Variants in TLN2 observed in about 807,000 individuals in gnomAD.
TLN2 encodes talin-2.
Under a neutral mutation model 294.7 loss-of-function variants are expected in TLN2, and 118 were observed. The ratio of observed to expected loss-of-function variants is 0.40; its 90% confidence interval spans 0.34 to 0.47. The LOEUF (loss-of-function observed/expected upper bound fraction) is 0.47. TLN2 is among the 20% of genes least tolerant of loss of function. TLN2 has a pLI of 0.84. For missense variants in TLN2, 3,083 were observed against 3,282.2 expected (o/e 0.94, Z 1.48); for synonymous variants, 1,431 against 1,304.5 (o/e 1.10, Z -2.09).
intron 1 of TLN2, among the ~76,000 whole-genome samples, chr15:62,588,143 G>A (rs1174196366): frequency 6.6e-6 from 1 of 152,060 alleles, no homozygotes; most frequent in African/African-American, 2.4e-5. Context: ...GCCTCCCAAA[G>A]TGCTGGGATT....
chr15:62,431,092 G>T (rs2034987181), intron 1 of TLN2, among the ~76,000 whole-genome samples: 1 of 152,106 alleles, frequency 6.6e-6, no homozygotes, highest in African/African-American at 2.4e-5. Context: ...CAGGCCCACT[G>T]AGTGAGGCTT....
chr15:62,489,589 C>G (rs978145535), intron 1 of TLN2, among the ~76,000 whole-genome samples: 2 of 152,148 alleles, frequency 1.3e-5, no homozygotes, highest in African/African-American at 2.4e-5. Flanking sequence ...GTAAAGTCTA[C>G]AAATCTTCAG....
chr15:62,701,869 T>C (rs1212322385), intron 17 of TLN2, 123 bp from the exon 18 acceptor site: 1 of 1,123,800 alleles, frequency 8.9e-7, no homozygotes, highest in Admixed American at 2.1e-5. Context: ...TGTGCTCATG[T>C]GAAGCTTGGT....
intron 45 of TLN2, among the ~76,000 whole-genome samples, chr15:62,788,960 G>T (rs2141106548): frequency 6.6e-6 from 1 of 152,300 alleles, no homozygotes; most frequent in East Asian, 1.9e-4. Context: ...CAGAATGTCA[G>T]GTTCCCAAGG....
At chr15:62,490,098 AT>A (rs2038627349) in intron 1 of TLN2, among the ~76,000 whole-genome samples, 2 of 152,198 alleles carry the variant, frequency 1.3e-5, no homozygotes, top group Admixed American at 1.3e-4. Context: ...TTCAGCAGTG[AT>A]TTTAGCATAT....
Position 62,652,125 on chromosome 15 carries a change from A to G in TLN2, c.355A>G (p.Ser119Gly). The change falls in exon 6 of 59, where the codon AGC becomes GGC. Residue 119 changes from serine to glycine, a missense_variant. Coordinates refer to ENST00000636159, the MANE Select transcript of TLN2 (RefSeq NM_015059.3). ...GGGGGAGCTCCTGGTCACTATTTGT[A>G]GCAGAATAGGTGAGCATTCATACAC... ...TVGELLVTIC[S>G]RIGITNYEEY... The G allele has an allele frequency of 6.3e-7, 1 of 1,598,128 alleles. No individual in the cohort carries two copies. The highest frequency in any genetic ancestry group is 1.1e-5 in the South Asian group (1 of 87,726).
chr15:62,456,407 C>T (rs571366799), intron 1 of TLN2, among the ~76,000 whole-genome samples: 28 of 152,304 alleles, frequency 1.8e-4, no homozygotes, highest in Non-Finnish European at 3.4e-4. Flanking sequence ...TCCTCCCCAC[C>T]GTTTAAAATG....
At chr15:62,811,260 T>C (rs1190456574) in intron 52 of TLN2, among the ~76,000 whole-genome samples, 1 of 152,216 alleles carries the variant, frequency 6.6e-6, no homozygotes, top group African/African-American at 2.4e-5. Context: ...GTCACTAACA[T>C]TGAGCTCCCA....
intron 1 of TLN2, among the ~76,000 whole-genome samples, chr15:62,588,239 T>G (rs1462364987): frequency 6.6e-6 from 1 of 152,222 alleles, no homozygotes; most frequent in African/African-American, 2.4e-5. Context: ...TTCTTGCTGT[T>G]ATATTTTTTA....
Position 62,809,988 on chromosome 15 carries a change from G to C in TLN2, c.6727G>C (p.Glu2243Gln), listed in dbSNP as rs1358363636. The change falls in exon 52 of 59, where the codon GAG becomes CAG. Residue 2243 changes from glutamate to glutamine, a missense_variant. Coordinates refer to ENST00000636159, the MANE Select transcript of TLN2 (RefSeq NM_015059.3). Reference sequence around the variant, plus strand: ...AACCAGAGCCTTGCGTTTCGGGACGGAGTGCACCCTTGGCTACTTGGACCT... The same window carrying C: ...AACCAGAGCCTTGCGTTTCGGGACGCAGTGCACCCTTGGCTACTTGGACCT... ...VRTRALRFGTECTLGYLDLLE... is the reference protein window; with the variant it reads ...VRTRALRFGTQCTLGYLDLLE... 3 of 1,613,956 alleles carry C rather than the reference G, an allele frequency of 1.9e-6. No individual in the cohort carries two copies. The highest frequency in any genetic ancestry group is 2.7e-5 in the African/African-American group (2 of 74,886).
chr15:62,599,114 ACTT>A (rs2046789350), intron 2 of TLN2, among the ~76,000 whole-genome samples: 1 of 152,202 alleles, frequency 6.6e-6, no homozygotes, highest in African/African-American at 2.4e-5. Context: ...GTGCAAATAT[ACTT>A]CTTTTCCAAA....
chr15:62,508,398 G>T (rs993061152), intron 1 of TLN2, among the ~76,000 whole-genome samples: 5 of 152,032 alleles, frequency 3.3e-5, no homozygotes, highest in African/African-American at 1.2e-4. Flanking sequence ...TGTATTTTTA[G>T]TAGAGACGGG....
intron 1 of TLN2, among the ~76,000 whole-genome samples, chr15:62,451,236 AGCCCCATGTGTCTGCAGACT>A (rs2036126478): frequency 1.3e-5 from 2 of 152,168 alleles, no homozygotes; most frequent in African/African-American, 2.4e-5. Context: ...CCCCACTGCT[AGCCCCATGTGTCTGCAGACT>A]GCCCCATGTG....
rs780600710 is a variant in TLN2, at chr15:62,805,758, C to T, written c.6636C>T (p.Ala2212=). 7 of 1,613,810 alleles carry T rather than the reference C, an allele frequency of 4.3e-6. No homozygotes were observed. Among genetic ancestry groups the T allele is most frequent in the African/African-American group, 1.3e-5 (1 of 74,896 alleles). The change falls in exon 51 of 59, where the codon GCC becomes GCT. Residue 2212 remains alanine (A), a synonymous_variant. Coordinates refer to ENST00000636159, the MANE Select transcript of TLN2 (RefSeq NM_015059.3). ...VIATANLSRK[A]VSDMLTACKQ... ...CTACTGCCAACCTGAGCCGGAAAGC[C>T]GTGTCAGATATGTTGACGGCTTGCA... is the stretch of plus-strand genomic sequence containing the variant.
intron 54 of TLN2, among the ~76,000 whole-genome samples, chr15:62,825,585 C>T (rs868670537): frequency 6.7e-6 from 1 of 149,342 alleles, no homozygotes; most frequent in Admixed American, 6.8e-5. Context: ...CATGGTGGCT[C>T]ACACCTGTAA....
chr15:62,553,911 T>G (rs2042460416), intron 1 of TLN2, among the ~76,000 whole-genome samples: 2 of 152,146 alleles, frequency 1.3e-5, no homozygotes. Flanking sequence ...TGCAATTAGC[T>G]TGGGATGCAT....
chr15:62,669,416 G>A (rs561198173), intron 9 of TLN2, among the ~76,000 whole-genome samples: 1 of 152,296 alleles, frequency 6.6e-6, no homozygotes, highest in South Asian at 2.1e-4. Context: ...GTCTATTAGA[G>A]ATTAGTGTAC....
At chr15:62,580,195 T>C (rs911932699) in intron 1 of TLN2, among the ~76,000 whole-genome samples, 2 of 152,238 alleles carry the variant, frequency 1.3e-5, no homozygotes, top group African/African-American at 4.8e-5. Flanking sequence ...TAACAGGTTT[T>C]ATTTCTTCGG....
chr15:62,809,898 G>C lies in TLN2; in HGVS notation c.6664-27G>C, dbSNP rs372064159. 6.2e-6 allele frequency: 10 copies of C among 1,608,154 alleles called. 1 individual carries two copies. In the African/African-American group the frequency reaches 1.1e-4, roughly 17 times the overall value. On this transcript the variant is annotated intron_variant, in intron 51 of 58. Coordinates refer to ENST00000636159, the MANE Select transcript of TLN2 (RefSeq NM_015059.3). The stretch of plus-strand genomic sequence containing the variant: ...CCAATGCTGGCTTTTCCCATGTTAA[G>C]ATTTCAGCATTCCTTTCTCTCTCCA...
Sources: gnomAD v4.1 joint callset for allele counts (sites outside exome capture counted in the v4.1 genomes callset) on GRCh38, gnomAD v4.1.1 for gene constraint, MANE v1.5 for transcripts, NCBI Gene and HGNC (gene_info 2026-07-23, HGNC 2026-07-21) for gene names.